DDX5: variants seen among roughly 807,000 people sequenced by gnomAD.
DDX5 encodes DEAD-box helicase 5.
A neutral mutation model predicts 68.6 loss-of-function variants in DDX5; 6 were observed. The ratio of observed to expected loss-of-function variants is 0.09; its 90% CI spans 0.05 to 0.17. DDX5 has a LOEUF of 0.17. DDX5 is among the 10% of genes least tolerant of loss of function. DDX5 has a pLI of 1.00. For missense variants in DDX5, 499 were observed against 756.1 expected (o/e 0.66, Z 3.99); for synonymous variants, 350 against 247.0 (o/e 1.42, Z -3.91).
intron 12 of DDX5, 83 bp from the exon 13 acceptor site, chr17:64,500,409 G>A: frequency 8.4e-6 from 13 of 1,540,674 alleles, no homozygotes; most frequent in Non-Finnish European, 1.1e-5. Flanking sequence ...TCTATTCATG[G>A]TAGGCGTGAA....
intron 12 of DDX5, 96 bp from the exon 13 acceptor site, chr17:64,500,422 G>A (rs563387803): frequency 1.7e-5 from 26 of 1,532,674 alleles, no homozygotes; most frequent in Admixed American, 1.3e-4. Context: ...GGCGTGAAAT[G>A]TTTTTACAAT....
upstream of DDX5, chr17:64,506,789 G>GGGCTGCC: frequency 1.9e-6 from 1 of 539,904 alleles, no homozygotes; most frequent in East Asian, 3.2e-5. Flanking sequence ...GGACCCGCCC[G>GGGCTGCC]GGCTGCCGGC....
In DDX5 at chr17:64,500,316, C is replaced by T; in HGVS notation, c.1452G>A (p.Arg484=). The change falls in exon 13 of 13, where the codon AGG becomes AGA. Residue 484 remains arginine, a synonymous_variant. Transcript: ENST00000225792. Reference sequence around the variant, plus strand: ...GGTCATCCTTCATGCCTCCTCTACCCCTGGAACGACCTGTCAAGAAAACAA... The same window carrying T: ...GGTCATCCTTCATGCCTCCTCTACCTCTGGAACGACCTGTCAAGAAAACAA... The part of the protein sequence containing the change: ...LVEDRGSGRS[R]GRGGMKDDRR... 1 of 1,603,464 alleles carries T rather than the reference C, an allele frequency of 6.2e-7. No individual in the cohort carries two copies. Among genetic ancestry groups the T allele is most frequent in the East Asian group, 2.2e-5 (1 of 44,742 alleles).
In DDX5 at chr17:64,499,896, C is replaced by G. The variant is rs1568099131; in HGVS notation, c.*27G>C. 2.6e-6 allele frequency: 4 copies of G among 1,522,494 alleles called. No individual in the cohort carries two copies. The highest frequency in any genetic ancestry group is 3.5e-6 in the Non-Finnish European group (4 of 1,135,290). 94.3% of individuals were successfully genotyped at this position (1,522,494 alleles called of 1,614,324 possible). On this transcript the variant is annotated 3_prime_UTR_variant, in exon 13 of 13. Transcript: ENST00000225792. ...CAATATAAAGAGCAATTATGAAAAA[C>G]AGACATTTACATATACTTCTAAAGT...
At position 64,506,216 on chromosome 17, in the gene DDX5, G is replaced by A. The variant is rs960255105; in HGVS notation, c.-97C>T. The A allele has an allele frequency of 6.4e-6, 10 of 1,560,188 alleles. No homozygotes were observed. Among genetic ancestry groups the A allele is most frequent in the East Asian group, 2.4e-5 (1 of 42,148 alleles). On this transcript the variant is annotated 5_prime_UTR_variant, in exon 1 of 13. Transcript: ENST00000225792. Reference sequence around the variant, plus strand: ...TCGATGACGGCGAAGCCTTGCGGGGGCGGCAGCGGAGGAAGGACACCGATG... The same window carrying A: ...TCGATGACGGCGAAGCCTTGCGGGGACGGCAGCGGAGGAAGGACACCGATG...
Position 64,499,049 on chromosome 17 carries a change from G to C in DDX5, c.*874C>G, listed in dbSNP as rs903009012. On this transcript the variant is annotated 3_prime_UTR_variant, in exon 13 of 13. Transcript: ENST00000225792. ...AGCCCCAGGGAGCCTGTGAAGACTA[G>C]AATCTACAAGTAACCTGCACTAAGA... Among the ~76,000 whole-genome samples, 1 of 152,156 alleles carries C rather than the reference G, an allele frequency of 6.6e-6. No individual in the cohort carries two copies. The highest frequency in any genetic ancestry group is 6.5e-5 in the Admixed American group (1 of 15,280).
At chr17:64,500,400 C>A (rs1366568872) in intron 12 of DDX5, 74 bp from the exon 13 acceptor site, 33 of 1,546,982 alleles carry the variant, frequency 2.1e-5, no homozygotes, top group Non-Finnish European at 2.8e-5. Flanking sequence ...AGAAACAGAT[C>A]TATTCATGGT....
intron 1 of DDX5, chr17:64,505,616 T>C (rs944113752): frequency 1.5e-5 from 15 of 981,262 alleles, no homozygotes; most frequent in East Asian, 2.6e-5. Flanking sequence ...CGGCATTTTG[T>C]ACTCGCGACT....
rs782035022 is a variant in DDX5 at position 64,506,179 on chromosome 17, C to T, written c.-60G>A. The T allele has an allele frequency of 1.3e-6, 2 of 1,589,518 alleles. No individual in the cohort carries two copies. Among genetic ancestry groups the T allele is most frequent in the South Asian group, 2.3e-5 (2 of 87,222 alleles). Reference sequence around the variant, plus strand: ...ATATAGAAAAGCGTGCGACAAGTCGCTGGAAATGGCCTCGATGACGGCGAA... The same window carrying T: ...ATATAGAAAAGCGTGCGACAAGTCGTTGGAAATGGCCTCGATGACGGCGAA... On this transcript the variant is annotated 5_prime_UTR_variant, in exon 1 of 13. Coordinates refer to ENST00000225792, the MANE Select transcript of DDX5 (RefSeq NM_004396.5).
In DDX5 at chr17:64,500,727, G is replaced by C. The variant is rs376946486; in HGVS notation, c.1263C>G (p.Ser421=). 4 of 1,614,032 alleles carry C rather than the reference G, an allele frequency of 2.5e-6. No homozygotes were observed. In the African/African-American group the frequency reaches 4.0e-5, roughly 16 times the overall value. The change falls in exon 12 of 13, where the codon TCC becomes TCG. Residue 421 remains serine (S), a synonymous_variant. Transcript: ENST00000225792. ...CAATTCGATGAATATAATCCTCTGAGGAGTTAGGGTAGTCATAATTGATGA... is the reference window on the plus strand; with the variant it reads ...CAATTCGATGAATATAATCCTCTGACGAGTTAGGGTAGTCATAATTGATGA... The part of the protein sequence containing the change: ...KFVINYDYPN[S]SEDYIHRIGR...
chr17:64,501,913 G>C (rs972554931), intron 11 of DDX5, 97 bp downstream of exon 11: 2 of 1,318,206 alleles, frequency 1.5e-6, no homozygotes, highest in Non-Finnish European at 2.2e-6. Context: ...AAAAAACTTA[G>C]AAAAAATGCA....
At chr17:64,501,492 T>A (rs2038296460) in intron 11 of DDX5, 1 of 162,088 alleles carries the variant, frequency 6.2e-6, no homozygotes, top group East Asian at 1.8e-4. Flanking sequence ...AAAGGCTTAG[T>A]ACCTTTTAAA....
At position 64,503,940 on chromosome 17, in the gene DDX5, T is replaced by C. The variant is rs201705981; in HGVS notation, c.441+43A>G. The stretch of plus-strand genomic sequence containing the variant: ...TCGTTTTTAAATTACCATTACATTT[T>C]CTTGCATATATCAGATCAACTCAAG... On this transcript the variant is annotated intron_variant, in intron 4 of 12. Transcript: ENST00000225792. 2.4e-5 allele frequency: 39 copies of C among 1,613,950 alleles called. No homozygotes were observed. The African/African-American group carries it at 3.9e-4, about 16-fold the overall frequency.
chr17:64,501,856 G>A lies in DDX5; in HGVS notation c.1216+154C>T, dbSNP rs1403959586. 15 of 707,282 alleles carry A rather than the reference G, an allele frequency of 2.1e-5. No homozygotes were observed. The Admixed American group carries it at 2.7e-4, about 13-fold the overall frequency. The allele number at this position is 707,282 out of a possible 1,614,324, so 43.8% of individuals were successfully genotyped here. A position where few individuals can be genotyped will look rare whatever the true frequency, so the allele number is the denominator to read the frequency against. On this transcript the variant is annotated intron_variant, in intron 11 of 12. Coordinates refer to ENST00000225792, the MANE Select transcript of DDX5 (RefSeq NM_004396.5). ...GTCCTCCATCCCCCTCGAGTCCTCC[G>A]ATTGTCATGCCTAGGCCTTGCCACA... is the stretch of plus-strand genomic sequence containing the variant.
chr17:64,505,026 C>G, intron 1 of DDX5, 184 bp from the exon 2 acceptor site: 2 of 540,120 alleles, frequency 3.7e-6, no homozygotes, highest in South Asian at 3.0e-5. Context: ...TCCCGTAGTC[C>G]CAAGTACACA....
In DDX5 at chr17:64,499,761, A is replaced by C; in HGVS notation, c.*162T>G. On this transcript the variant is annotated 3_prime_UTR_variant, in exon 13 of 13. Coordinates refer to ENST00000225792, the MANE Select transcript of DDX5 (RefSeq NM_004396.5). ...AACCTAAAAATTGTTTCAGGAATGT[A>C]GAGAAATATCCAACTTAAATAGCGA... The C allele has an allele frequency of 1.7e-6, 1 of 596,158 alleles. No individual in the cohort carries two copies. Among genetic ancestry groups the C allele is most frequent in the Non-Finnish European group, 2.6e-6 (1 of 379,872 alleles). The allele number at this position is 596,158 out of a possible 1,614,324, so 36.9% of individuals were successfully genotyped here. A position where few individuals can be genotyped will look rare whatever the true frequency, so the allele number is the denominator to read the frequency against.
rs2038221785 is a variant in DDX5, at chr17:64,498,828, G to C, written c.*1095C>G. ...TAAAGCTATCCCCTGGATCTTTCTA[G>C]CAATAAACCCATGTTGAACCTACCA... On this transcript the variant is annotated 3_prime_UTR_variant, in exon 13 of 13. Transcript: ENST00000225792. 2.0e-5 allele frequency among the ~76,000 whole-genome samples: 3 copies of C among 152,174 alleles called. No homozygotes were observed. The highest frequency in any genetic ancestry group is 4.4e-5 in the Non-Finnish European group (3 of 68,030).
rs2734257 is a variant in DDX5, at chr17:64,503,696, G to A, written c.507+107C>T. 3,281 of 1,524,208 alleles carry A rather than the reference G, an allele frequency of 2.2e-3. 4 individuals carry two copies. The highest frequency in any genetic ancestry group is 2.1e-3 in the Non-Finnish European group (2,327 of 1,117,930). 94.4% of individuals were successfully genotyped at this position (1,524,208 alleles called of 1,614,324 possible). A position where few individuals can be genotyped will look rare whatever the true frequency, so the allele number is the denominator to read the frequency against. On this transcript the variant is annotated intron_variant, in intron 5 of 12. Coordinates refer to ENST00000225792, the MANE Select transcript of DDX5 (RefSeq NM_004396.5). ...CCCAAAACAGCTCCAGCTGAATAGGGTGAGCTAACCTCTATATAAAACCAC... is the reference window on the plus strand; with the variant it reads ...CCCAAAACAGCTCCAGCTGAATAGGATGAGCTAACCTCTATATAAAACCAC...
upstream of DDX5, chr17:64,506,733 G>A (rs1268336184): frequency 2.3e-6 from 1 of 437,340 alleles, no homozygotes. Context: ...TCGGCGGAGG[G>A]ATACAAAACG....
Sources: allele counts gnomAD v4.1 joint callset (sites outside exome capture counted in the v4.1 genomes callset), GRCh38; gene constraint gnomAD v4.1.1; transcripts MANE v1.5; gene names NCBI Gene and HGNC (gene_info 2026-07-23, HGNC 2026-07-21).